CHD2: variants seen among roughly 807,000 people sequenced by gnomAD.
CHD2 encodes ATP-dependent chromatin remodeler CHD2.
In CHD2, 28 loss-of-function variants were observed where a neutral mutation model predicts 243.9. The ratio of observed to expected loss-of-function variants is 0.11; its 90% CI spans 0.09 to 0.16. The LOEUF (loss-of-function observed/expected upper bound fraction) is 0.16. Among genes scored for constraint, CHD2 ranks in the 10% least tolerant of loss-of-function variants. The pLI is 1.00. For synonymous variants in CHD2, 775 were observed against 779.0 expected (o/e 0.99, Z 0.09); for missense variants, 1,386 against 2,209.8 (o/e 0.63, Z 7.47).
Position 92,939,600 on chromosome 15 carries a change from A to G in CHD2, c.574A>G (p.Lys192Glu), listed in dbSNP as rs377701152. 9.3e-6 allele frequency: 15 copies of G among 1,613,896 alleles called. No homozygotes were observed. The highest frequency in any genetic ancestry group is 9.3e-6 in the Non-Finnish European group (11 of 1,179,960). Residue 192 changes from lysine to glutamate, a missense_variant, in exon 7 of 39, where the codon AAA (lysine) becomes GAA (glutamate). Physicochemically the swap from Lys to Glu is moderately conservative, Grantham distance 56. Coordinates refer to ENST00000394196, the MANE Select transcript of CHD2 (RefSeq NM_001271.4). ...TAGAACAGTGCCCAAACCTCGTGTT[A>G]AAAAGCAGCCGAAGACTCAGCGTGG... ...PRRTVPKPRV[K>E]KQPKTQRGKR...
chr15:92,944,810 T>A (rs1387828290), intron 10 of CHD2: 2 of 179,628 alleles, frequency 1.1e-5, no homozygotes, highest in East Asian at 2.7e-4. Context: ...GACCAAGAGC[T>A]TAGTTTGATA....
intron 2 of CHD2, among the ~76,000 whole-genome samples, chr15:92,917,039 AT>A (rs1419118741): frequency 6.6e-6 from 1 of 151,976 alleles, no homozygotes; most frequent in Non-Finnish European, 1.5e-5. Flanking sequence ...TTGCGTATCC[AT>A]TTTCTTTGTG....
At chr15:93,020,284 G>A in intron 38 of CHD2, 26 bp downstream of exon 38, 2 of 1,613,870 alleles carry the variant, frequency 1.2e-6, no homozygotes, top group Non-Finnish European at 1.7e-6. Context: ...TGAGACACCA[G>A]GTGCCAACCT....
intron 36 of CHD2, among the ~76,000 whole-genome samples, chr15:93,012,654 T>G (rs2054407698): frequency 6.6e-6 from 1 of 152,152 alleles, no homozygotes; most frequent in South Asian, 2.1e-4. Flanking sequence ...TTACCCTGTG[T>G]TTTTAGGTCC....
At chr15:92,966,737 C>G (rs12905312) in intron 16 of CHD2, among the ~76,000 whole-genome samples, 1 of 151,670 alleles carries the variant, frequency 6.6e-6, no homozygotes, top group South Asian at 2.1e-4. Flanking sequence ...ATGATGAAAC[C>G]CTGTCTCTAC....
chr15:92,909,526 T>C (rs1354591972), intron 2 of CHD2, among the ~76,000 whole-genome samples: 3 of 152,180 alleles, frequency 2.0e-5, no homozygotes, highest in Non-Finnish European at 2.9e-5. Flanking sequence ...GGATTACAGG[T>C]GTGAACCATC....
intron 20 of CHD2, among the ~76,000 whole-genome samples, chr15:92,976,660 A>G (rs1241040589): frequency 6.6e-6 from 1 of 151,884 alleles, no homozygotes; most frequent in Middle Eastern, 3.2e-3. Context: ...TACCAAAAAA[A>G]AAAAAAAAAG....
intron 2 of CHD2, among the ~76,000 whole-genome samples, chr15:92,906,742 A>T (rs554451452): frequency 5.4e-5 from 8 of 149,012 alleles, no homozygotes; most frequent in Middle Eastern, 3.5e-3. Flanking sequence ...TTCCTTGAAG[A>T]ACTTGGCTTT....
intron 5 of CHD2, among the ~76,000 whole-genome samples, chr15:92,933,398 G>GT (rs1479157191): frequency 1.3e-5 from 2 of 152,158 alleles, no homozygotes; most frequent in Non-Finnish European, 2.9e-5. Context: ...ATTTTGCCTT[G>GT]TTTGCAGTTC....
chr15:92,924,894 A>G (rs1476894870), intron 3 of CHD2, among the ~76,000 whole-genome samples: 1 of 152,058 alleles, frequency 6.6e-6, no homozygotes, highest in Non-Finnish European at 1.5e-5. Flanking sequence ...TCCGCCTCCC[A>G]GGTTCAAGTG....
chr15:92,950,280 C>CT (rs775978465), intron 13 of CHD2: 2 of 152,210 alleles, frequency 1.3e-5, no homozygotes, highest in Non-Finnish European at 2.9e-5. Flanking sequence ...CTAAAAGAAA[C>CT]TGTTATTTCT....
At chr15:92,973,713 T>A (rs2053872361) in intron 19 of CHD2, among the ~76,000 whole-genome samples, 1 of 152,214 alleles carries the variant, frequency 6.6e-6, no homozygotes, top group Non-Finnish European at 1.5e-5. Flanking sequence ...TGAGCTTTCA[T>A]TCCTAGGAAA....
At chr15:92,940,838 A>AT (rs1491145636) in intron 7 of CHD2, among the ~76,000 whole-genome samples, 26 of 138,008 alleles carry the variant, frequency 1.9e-4, no homozygotes, top group Non-Finnish European at 3.4e-4. Flanking sequence ...ATAAATATAT[A>AT]AAAATATATA....
intron 9 of CHD2, chr15:92,943,481 C>A: frequency 5.2e-6 from 1 of 193,634 alleles, no homozygotes; most frequent in Non-Finnish European, 1.1e-5. Flanking sequence ...GCTGGGGTGG[C>A]TTAGATGTAG....
At chr15:92,909,215 TGTG>T (rs2052682433) in intron 2 of CHD2, among the ~76,000 whole-genome samples, 1 of 152,206 alleles carries the variant, frequency 6.6e-6, no homozygotes, top group Non-Finnish European at 1.5e-5. Context: ...TTTAAGCTCT[TGTG>T]GTCGTCTCTT....
In CHD2 at chr15:92,900,819, G is replaced by GA. The variant is rs1211502978; in HGVS notation, c.-76dup. The GA allele has an allele frequency of 1.2e-5, 5 of 403,210 alleles. No individual in the cohort carries two copies. The highest frequency in any genetic ancestry group is 4.4e-5 in the Admixed American group (1 of 22,658). 25.0% of individuals were successfully genotyped at this position (403,210 alleles called of 1,614,324 possible). On this transcript the variant is annotated 5_prime_UTR_variant, in exon 1 of 39. The change abolishes the stop of an existing upstream ORF in the 5' untranslated region. Coordinates refer to ENST00000394196, the MANE Select transcript of CHD2 (RefSeq NM_001271.4). Reference sequence around the variant, plus strand: ...ACTCTTGGTTTGGACATACTACATGGATCAGGTAAGTTCACGATCATTGGT... The same window carrying GA: ...ACTCTTGGTTTGGACATACTACATGGAATCAGGTAAGTTCACGATCATTGGT...
At chr15:92,920,615 A>C (rs2141736697) in intron 2 of CHD2, among the ~76,000 whole-genome samples, 1 of 152,292 alleles carries the variant, frequency 6.6e-6, no homozygotes, top group South Asian at 2.1e-4. Flanking sequence ...CTAGTTGGTA[A>C]AGATTTTCAG....
At chr15:92,902,014 G>A (rs780232886) in intron 2 of CHD2, 1 of 389,830 alleles carries the variant, frequency 2.6e-6, no homozygotes, top group Non-Finnish European at 4.5e-6. Flanking sequence ...TCTATTTTGT[G>A]TTTGTTACTG....
At chr15:93,003,131 A>C (rs897919612) in intron 33 of CHD2, among the ~76,000 whole-genome samples, 1 of 152,172 alleles carries the variant, frequency 6.6e-6, no homozygotes, top group Non-Finnish European at 1.5e-5. Context: ...AAAACAAGCA[A>C]AAATCTAGCT....
Sources: allele counts gnomAD v4.1 joint callset (sites outside exome capture counted in the v4.1 genomes callset), GRCh38; gene constraint gnomAD v4.1.1; transcripts MANE v1.5; gene names NCBI Gene and HGNC (gene_info 2026-07-23, HGNC 2026-07-21).